The following ANKRD30BL variants were observed in gnomAD, a reference collection of about 807,000 sequenced individuals.
ANKRD30BL encodes ankyrin repeat domain 30B like.
Under a neutral mutation model 18.4 loss-of-function variants are expected in ANKRD30BL, and 20 were observed. That is an observed-to-expected ratio of 1.09 (90% confidence interval 0.77 to 1.58). The LOEUF is 1.58. ANKRD30BL is among the 40% of genes most tolerant of loss of function. ANKRD30BL has a pLI of 0.00. For synonymous variants in ANKRD30BL, 72 were observed against 100.9 expected, an observed-to-expected ratio of 0.71 and a Z score of 1.72; for missense variants, 224 against 268.6, an observed-to-expected ratio of 0.83 and a Z score of 1.16.
chr2:132,208,994 G>A (rs996456048), intron 1 of ANKRD30BL, among the ~76,000 whole-genome samples: 1 of 152,132 alleles, frequency 6.6e-6, no homozygotes, highest in Admixed American at 6.6e-5. Context: ...GCCTATGGTG[G>A]AAAAGTAAAT....
rs1361160567 is a variant in ANKRD30BL, at chr2:132,187,191, T to TG, written n.442-30046_442-30045insC. ...TTTTTTGTTTTTTTTTTTGTTTGTT[T>TG]TTTTTTTTTTTTTTTTTTGAGAGAC... On this transcript the variant is annotated intron_variant and non_coding_transcript_variant, in intron 1 of 4. Coordinates refer to the ANKRD30BL transcript ENST00000470729. Among the ~76,000 whole-genome samples the TG allele has an allele frequency of 8.2e-3, 1,119 of 135,912 alleles. 14 individuals are homozygous for TG. Among genetic ancestry groups the TG allele is most frequent in the African/African-American group, 0.028 (923 of 33,476 alleles). 89.2% of individuals were successfully genotyped at this position (135,912 alleles called of 152,430 possible).
intron 1 of ANKRD30BL, among the ~76,000 whole-genome samples, chr2:132,254,669 A>G (rs1002644052): frequency 2.6e-5 from 4 of 152,230 alleles, no homozygotes; most frequent in Admixed American, 6.5e-5. Context: ...ACGCTGAGCC[A>G]GTCAGTGTAG....
In ANKRD30BL at chr2:132,210,175, C is replaced by T. The variant is rs375360072; in HGVS notation, n.441+47354G>A. On this transcript the variant is annotated intron_variant and non_coding_transcript_variant, in intron 1 of 4. Transcript: ENST00000470729. ...AGTGGATATTTGGAGCGCTTTGCGG[C>T]CTATAGTGGAAACGGAAATATCTTC... 1.7e-4 allele frequency among the ~76,000 whole-genome samples: 26 copies of T among 151,348 alleles called. No homozygotes were observed. In the East Asian group the frequency reaches 3.3e-3, roughly 19 times the overall value.
chr2:132,173,536 A>G (rs1379009310), intron 1 of ANKRD30BL, among the ~76,000 whole-genome samples: 1 of 151,832 alleles, frequency 6.6e-6, no homozygotes, highest in African/African-American at 2.4e-5. Context: ...TCACCTCGTG[A>G]TCCACCCGCC....
intron 1 of ANKRD30BL, among the ~76,000 whole-genome samples, chr2:132,203,952 C>T (rs563330692): frequency 6.6e-6 from 1 of 152,094 alleles, no homozygotes; most frequent in Non-Finnish European, 1.5e-5. Flanking sequence ...ATATTGATAC[C>T]AATCATTTTA....
At chr2:132,204,476 T>C (rs1053550394) in intron 1 of ANKRD30BL, among the ~76,000 whole-genome samples, 1 of 149,702 alleles carries the variant, frequency 6.7e-6, no homozygotes, top group African/African-American at 2.4e-5. Context: ...TGTATGTATA[T>C]ATAGTATGTA....
chr2:132,214,023 T>C (rs1010056704), intron 1 of ANKRD30BL, among the ~76,000 whole-genome samples: 1 of 152,214 alleles, frequency 6.6e-6, no homozygotes, highest in East Asian at 1.9e-4. Context: ...TCTGTGAAAC[T>C]ACTTTGTGAT....
At chr2:132,222,847 A>AG (rs1679730978) in intron 1 of ANKRD30BL, among the ~76,000 whole-genome samples, 1 of 147,914 alleles carries the variant, frequency 6.8e-6, no homozygotes, top group Non-Finnish European at 1.5e-5. Flanking sequence ...AAAAAAAAAA[A>AG]AAAAAAAAAA....
intron 1 of ANKRD30BL, among the ~76,000 whole-genome samples, chr2:132,222,832 T>TTAAA (rs559303905): frequency 2.7e-4 from 14 of 52,808 alleles, no homozygotes; most frequent in Admixed American, 7.7e-4. Context: ...GAATGATCAA[T>TTAAA]AAAAAAAAAA....
intron 1 of ANKRD30BL, among the ~76,000 whole-genome samples, chr2:132,253,674 CG>C (rs1368190874): frequency 2.0e-5 from 3 of 151,966 alleles, no homozygotes; most frequent in African/African-American, 7.2e-5. Flanking sequence ...GAGGGAGGGG[CG>C]GGCCCCTCCT....
intron 1 of ANKRD30BL, among the ~76,000 whole-genome samples, chr2:132,199,358 CAAATAAAT>C (rs530697723): frequency 9.9e-5 from 15 of 151,906 alleles, no homozygotes; most frequent in South Asian, 2.1e-4. Context: ...GACTCCGTCT[CAAATAAAT>C]AAATAAATAA....
At chr2:132,215,265 G>C (rs944741729) in intron 1 of ANKRD30BL, among the ~76,000 whole-genome samples, 2 of 152,242 alleles carry the variant, frequency 1.3e-5, no homozygotes, top group Non-Finnish European at 2.9e-5. Flanking sequence ...CATTTCTTTT[G>C]ATTGAGCAGT....
chr2:132,177,151 C>G (rs1688379302), intron 1 of ANKRD30BL, among the ~76,000 whole-genome samples: 2 of 150,548 alleles, frequency 1.3e-5, no homozygotes, highest in South Asian at 4.2e-4. Context: ...CCAGATGTGC[C>G]TATTTTTTTT....
At position 132,221,374 on chromosome 2, in the gene ANKRD30BL, G is replaced by C. The variant is rs1331529155; in HGVS notation, n.441+36155C>G. Among the ~76,000 whole-genome samples, 5 of 142,870 alleles carry C rather than the reference G, an allele frequency of 3.5e-5. 1 individual carries two copies. The highest frequency in any genetic ancestry group is 2.2e-4 in the South Asian group (1 of 4,630). 93.7% of individuals were successfully genotyped at this position (142,870 alleles called of 152,430 possible). A position where few individuals can be genotyped will look rare whatever the true frequency, so the allele number is the denominator to read the frequency against. On this transcript the variant is annotated intron_variant and non_coding_transcript_variant, in intron 1 of 4. Coordinates refer to the ANKRD30BL transcript ENST00000470729. The stretch of plus-strand genomic sequence containing the variant: ...GCCCAGTCCGGGAGGGGGGAGGGGG[G>C]GTCAGCCCCCTGCCCGGCCAGCCGC...
Position 132,157,043 on chromosome 2 carries a change from A to C in ANKRD30BL, c.437T>G (p.Val146Gly), listed in dbSNP as rs1387708838. Reference sequence around the variant, plus strand: ...CACCACTGACAAATTCTCACTGTTAACAGCATAATGGACAGCTGTGTTGCC... The same window carrying C: ...CACCACTGACAAATTCTCACTGTTACCAGCATAATGGACAGCTGTGTTGCC... Reference protein sequence around the residue: ...VYGNTAVHYAVNSENLSVVAK... With the variant: ...VYGNTAVHYAGNSENLSVVAK... The change falls in exon 3 of 6, where the codon GTT becomes GGT. Residue 146 changes from valine to glycine, a missense_variant. This residue lies in a region of ANKRD30BL where 30 missense variants were observed against 77.5 expected (regional missense o/e 0.39). Coordinates refer to ENST00000409867, the MANE Select transcript of ANKRD30BL (RefSeq NM_001358416.1). 1 of 1,383,334 alleles carries C rather than the reference A, an allele frequency of 7.2e-7. No individual in the cohort carries two copies. The highest frequency in any genetic ancestry group is 2.5e-5 in the East Asian group (1 of 40,764). The allele number at this position is 1,383,334 out of a possible 1,614,324, so 85.7% of individuals were successfully genotyped here. A position where few individuals can be genotyped will look rare whatever the true frequency, so the allele number is the denominator to read the frequency against.
At chr2:132,220,636 G>T (rs1679648953) in intron 1 of ANKRD30BL, among the ~76,000 whole-genome samples, 2 of 152,256 alleles carry the variant, frequency 1.3e-5, no homozygotes, top group South Asian at 4.1e-4. Context: ...GAGGTGCCGG[G>T]ATTGCAGACG....
chr2:132,257,161 A>G, intron 1 of ANKRD30BL: 1 of 448,066 alleles, frequency 2.2e-6, no homozygotes, highest in South Asian at 1.6e-5. Context: ...CGCCAGGGCC[A>G]CGTTGCTCGT....
chr2:132,241,729 A>C (rs1573883224), intron 1 of ANKRD30BL, among the ~76,000 whole-genome samples: 1 of 151,722 alleles, frequency 6.6e-6, no homozygotes, highest in South Asian at 2.1e-4. Context: ...CTTCTTTCTG[A>C]TGTGTGTACT....
upstream of ANKRD30BL, among the ~76,000 whole-genome samples, chr2:132,165,775 T>G (rs1326283913): frequency 6.6e-6 from 1 of 151,610 alleles, no homozygotes; most frequent in Non-Finnish European, 1.5e-5. Flanking sequence ...CTTTTTTTTT[T>G]TTTTTACATA....
Sources: gnomAD v4.1 joint callset for allele counts (sites outside exome capture counted in the v4.1 genomes callset) on GRCh38, gnomAD v4.1.1 for gene constraint, gnomAD v4.1.1 regional missense constraint, MANE v1.5 for transcripts, NCBI Gene and HGNC (gene_info 2026-07-23, HGNC 2026-07-21) for gene names.